Variants in PCDHA3 observed in about 807,000 individuals in gnomAD.
The protein encoded by PCDHA3 is protocadherin alpha 3, also known as protocadherin alpha-3.
Under a neutral mutation model 62.2 loss-of-function variants are expected in PCDHA3, and 41 were observed. That is an observed-to-expected ratio of 0.66 (90% confidence interval 0.51 to 0.86). PCDHA3 has a LOEUF of 0.86. Ranked by LOEUF, PCDHA3 falls within the 40% of genes least tolerant of loss-of-function variation. The pLI is 0.00. For missense variants in PCDHA3, 1,304 were observed against 1,241.2 expected, an observed-to-expected ratio of 1.05 and a Z score of -0.76; for synonymous variants, 640 against 555.4, an observed-to-expected ratio of 1.15 and a Z score of -2.14.
chr5:140,964,251 T>A (rs2095820730), intron 1 of PCDHA3, among the ~76,000 whole-genome samples: 2 of 152,330 alleles, frequency 1.3e-5, no homozygotes, highest in Non-Finnish European at 1.5e-5. Flanking sequence ...TGGCTTTATA[T>A]TTGACTCCTT....
chr5:140,844,983 A>G (rs1554140802), intron 1 of PCDHA3, among the ~76,000 whole-genome samples: 1 of 149,210 alleles, frequency 6.7e-6, no homozygotes, highest in Admixed American at 6.7e-5. Flanking sequence ...ATTGTTTTAA[A>G]TCTTTTAATC....
chr5:140,906,999 G>C (rs187849442), intron 1 of PCDHA3, among the ~76,000 whole-genome samples: 1 of 152,088 alleles, frequency 6.6e-6, no homozygotes, highest in Non-Finnish European at 1.5e-5. Flanking sequence ...TCCTCCCTCT[G>C]GAACTAAGAC....
chr5:140,828,011 G>A, intron 1 of PCDHA3: 1 of 1,508,268 alleles, frequency 6.6e-7, no homozygotes, highest in Admixed American at 2.2e-5. Context: ...AGAAGAAATG[G>A]ATTAATAAAT....
At position 140,859,135 on chromosome 5, in the gene PCDHA3, A is replaced by G. The variant is rs571097776; in HGVS notation, c.2394+55544A>G. On this transcript the variant is annotated intron_variant, in intron 1 of 3. Coordinates refer to ENST00000522353, the MANE Select transcript of PCDHA3 (RefSeq NM_018906.3). Reference sequence around the variant, plus strand: ...AAATGTATGTTTCTTTTATTTACATAATTTTATCCAGTAGCTCTTCATTAT... The same window carrying G: ...AAATGTATGTTTCTTTTATTTACATGATTTTATCCAGTAGCTCTTCATTAT... The G allele has an allele frequency of 4.0e-5, 6 of 150,216 alleles. No homozygotes were observed. In the East Asian group the frequency reaches 1.2e-3, roughly 29 times the overall value. 9.3% of individuals were successfully genotyped at this position (150,216 alleles called of 1,614,324 possible). A position where few individuals can be genotyped will look rare whatever the true frequency, so the allele number is the denominator to read the frequency against.
chr5:140,901,829 T>C (rs1449316816), intron 1 of PCDHA3, among the ~76,000 whole-genome samples: 1 of 152,230 alleles, frequency 6.6e-6, no homozygotes, highest in African/African-American at 2.4e-5. Flanking sequence ...TTCCAGTCCA[T>C]AAACATGCAA....
In PCDHA3 at chr5:140,801,767, A is replaced by G; in HGVS notation, c.570A>G (p.Lys190=). The G allele has an allele frequency of 6.2e-7, 1 of 1,614,000 alleles. No homozygotes were observed. The highest frequency in any genetic ancestry group is 8.5e-7 in the Non-Finnish European group (1 of 1,180,000). Residue 190 remains lysine (K), a synonymous_variant, in exon 1 of 4, where the codon AAA becomes AAG. Transcript: ENST00000522353. The stretch of plus-strand genomic sequence containing the variant: ...TTAAAAGAAATGATGAGGAAATTAA[A>G]TCCCTTGGACTCGTGTTGAAAAAAA... The part of the protein sequence containing the change: ...LDVKRNDEEI[K]SLGLVLKKNL...
chr5:140,843,231 TGGACGAAGC>T lies in PCDHA3; in HGVS notation c.2394+39645_2394+39653del. 1.8e-5 allele frequency: 29 copies of T among 1,596,108 alleles called. 2 individuals carry two copies. The highest frequency in any genetic ancestry group is 2.5e-5 in the Non-Finnish European group (29 of 1,165,604). The stretch of plus-strand genomic sequence containing the variant: ...GGCGAGATCAGCACCACTCGTGTCC[TGGACGAAGC>T]GGACTCTCCGCGCCACCGTCTGCTG... On this transcript the variant is annotated intron_variant, in intron 1 of 3. Transcript: ENST00000522353.
intron 1 of PCDHA3, among the ~76,000 whole-genome samples, chr5:140,818,447 T>C (rs2150101283): frequency 0.059 from 8,929 of 152,300 alleles, 871 homozygotes; most frequent in African/African-American, 0.2. Context: ...TACTGGCTAA[T>C]GTCAAAAGAA....
chr5:140,847,254 G>T (rs1219125323), intron 1 of PCDHA3, among the ~76,000 whole-genome samples: 1 of 149,748 alleles, frequency 6.7e-6, no homozygotes, highest in Non-Finnish European at 1.5e-5. Flanking sequence ...AATAAATCAC[G>T]ACTTTTGAAA....
intron 1 of PCDHA3, among the ~76,000 whole-genome samples, chr5:140,888,210 T>C (rs1395913579): frequency 6.6e-6 from 1 of 152,082 alleles, no homozygotes; most frequent in East Asian, 1.9e-4. Flanking sequence ...ATGCTGGATT[T>C]TGTGTGTGTG....
At chr5:140,834,250 A>G in intron 1 of PCDHA3, 1 of 907,572 alleles carries the variant, frequency 1.1e-6, no homozygotes, top group Non-Finnish European at 1.7e-6. Context: ...CGCACTGGAA[A>G]GACGCTCCAC....
chr5:140,836,804 T>A, intron 1 of PCDHA3: 12 of 1,321,042 alleles, frequency 9.1e-6, no homozygotes, highest in Non-Finnish European at 9.3e-6. Context: ...CTCCTTAAAT[T>A]TTCTTTCATA....
chr5:140,927,758 A>G (rs781942462), intron 1 of PCDHA3: 1 of 1,614,170 alleles, frequency 6.2e-7, no homozygotes, highest in Non-Finnish European at 8.5e-7. Flanking sequence ...GTGCACCCTA[A>G]AAGTGGGGAG....
intron 1 of PCDHA3, among the ~76,000 whole-genome samples, chr5:140,916,747 G>T (rs1445361224): frequency 2.6e-5 from 4 of 152,220 alleles, no homozygotes; most frequent in African/African-American, 9.6e-5. Context: ...TTCACTGCCT[G>T]GGATTAGGGG....
chr5:140,830,617 T>C, intron 1 of PCDHA3: 1 of 601,712 alleles, frequency 1.7e-6, no homozygotes, highest in Non-Finnish European at 2.5e-6. Context: ...CATTTTATTG[T>C]GTTTCTTATT....
chr5:140,898,808 C>T (rs1318586303), intron 1 of PCDHA3, among the ~76,000 whole-genome samples: 2 of 152,188 alleles, frequency 1.3e-5, no homozygotes, highest in Non-Finnish European at 2.9e-5. Context: ...GATACTGATT[C>T]TTCCTACCCA....
intron 1 of PCDHA3, among the ~76,000 whole-genome samples, chr5:140,932,345 C>G (rs1332373274): frequency 6.6e-6 from 1 of 151,820 alleles, no homozygotes; most frequent in African/African-American, 2.4e-5. Context: ...AAACACTTAC[C>G]ATACAACTGG....
At chr5:140,883,395 A>G (rs892476136) in intron 1 of PCDHA3, 2 of 1,614,048 alleles carry the variant, frequency 1.2e-6, no homozygotes, top group African/African-American at 1.3e-5. Context: ...AGTGTGTCCG[A>G]TCGTGACTCT....
intron 3 of PCDHA3, among the ~76,000 whole-genome samples, chr5:140,987,298 G>A (rs2097247103): frequency 6.6e-6 from 1 of 152,086 alleles, no homozygotes; most frequent in South Asian, 2.1e-4. Context: ...AGCCTTCTAT[G>A]TGATACCAAT....
Sources: allele counts gnomAD v4.1 joint callset (sites outside exome capture counted in the v4.1 genomes callset), GRCh38; gene constraint gnomAD v4.1.1; transcripts MANE v1.5; gene names NCBI Gene and HGNC (gene_info 2026-07-23, HGNC 2026-07-21).